The following DOCK5 variants were observed in gnomAD, a reference collection of about 807,000 sequenced individuals.
DOCK5 encodes dedicator of cytokinesis protein 5.
DOCK5 carries 142 observed loss-of-function variants against 251.8 expected under a neutral mutation model. That is an observed-to-expected ratio of 0.56 (90% CI 0.49 to 0.65). The LOEUF is 0.65. Among genes scored for constraint, DOCK5 ranks in the 30% least tolerant of loss-of-function variants. The pLI, the probability that DOCK5 is intolerant of heterozygous loss-of-function variation, is 0.00. For missense variants in DOCK5, 2,111 were observed against 2,312.3 expected, an observed-to-expected ratio of 0.91 and a Z score of 1.79; for synonymous variants, 842 against 835.5, an observed-to-expected ratio of 1.01 and a Z score of -0.13.
intron 1 of DOCK5, among the ~76,000 whole-genome samples, chr8:25,235,653 T>G (rs1025610400): frequency 2.6e-5 from 4 of 152,232 alleles, no homozygotes; most frequent in Non-Finnish European, 4.4e-5. Context: ...ATGTGGCTTC[T>G]AAGTCATCAC....
At chr8:25,341,278 A>G (rs1480119233) in intron 23 of DOCK5, among the ~76,000 whole-genome samples, 1 of 152,182 alleles carries the variant, frequency 6.6e-6, no homozygotes, top group Non-Finnish European at 1.5e-5. Context: ...ACTGATCCCA[A>G]TGCACTACAG....
At chr8:25,301,955 A>G (rs1169352940) in intron 9 of DOCK5, among the ~76,000 whole-genome samples, 1 of 152,288 alleles carries the variant, frequency 6.6e-6, no homozygotes, top group African/African-American at 2.4e-5. Context: ...TTTTTACTTC[A>G]TTTGATGTTG....
At chr8:25,401,182 TAGTG>T in intron 47 of DOCK5, 116 bp downstream of exon 47, 1 of 1,408,144 alleles carries the variant, frequency 7.1e-7, no homozygotes, top group Non-Finnish European at 9.8e-7. Flanking sequence ...GGCATGGAAA[TAGTG>T]AGGCTGGTGG....
chr8:25,199,088 G>A (rs1801805295), intron 1 of DOCK5, among the ~76,000 whole-genome samples: 2 of 152,168 alleles, frequency 1.3e-5, no homozygotes, highest in Non-Finnish European at 1.5e-5. Context: ...CCTTAGCACC[G>A]TGGTATTGAC....
intron 18 of DOCK5, among the ~76,000 whole-genome samples, chr8:25,330,361 A>G (rs1215003864): frequency 6.6e-6 from 1 of 152,228 alleles, no homozygotes; most frequent in Non-Finnish European, 1.5e-5. Flanking sequence ...AATGAATACT[A>G]TATGATTCCT....
chr8:25,403,244 G>C (rs1010303866), intron 47 of DOCK5, among the ~76,000 whole-genome samples: 5 of 152,176 alleles, frequency 3.3e-5, no homozygotes, highest in African/African-American at 9.7e-5. Flanking sequence ...GGAAGGTTTT[G>C]CTATTTATTG....
chr8:25,365,528 G>C (rs1800760841), intron 30 of DOCK5, among the ~76,000 whole-genome samples: 1 of 152,242 alleles, frequency 6.6e-6, no homozygotes, highest in African/African-American at 2.4e-5. Flanking sequence ...GCTCAAGCAA[G>C]TAGCTCAAGA....
At chr8:25,252,925 G>A (rs565326099) in intron 2 of DOCK5, among the ~76,000 whole-genome samples, 7 of 152,244 alleles carry the variant, frequency 4.6e-5, no homozygotes, top group African/African-American at 1.4e-4. Context: ...TCTGCCTGCT[G>A]GGTTCAAGTG....
chr8:25,335,852 CTTCTT>C (rs1386397281), intron 21 of DOCK5, among the ~76,000 whole-genome samples: 1 of 152,184 alleles, frequency 6.6e-6, no homozygotes, highest in Non-Finnish European at 1.5e-5. Flanking sequence ...AGGAATTAGG[CTTCTT>C]TTAAGTCAAC....
At chr8:25,387,371 G>A (rs1462173094) in intron 40 of DOCK5, among the ~76,000 whole-genome samples, 1 of 151,898 alleles carries the variant, frequency 6.6e-6, no homozygotes, top group Non-Finnish European at 1.5e-5. Context: ...TTAGATATGG[G>A]GTCTCACTAT....
chr8:25,206,269 G>T (rs1490022081), intron 1 of DOCK5, among the ~76,000 whole-genome samples: 1 of 152,166 alleles, frequency 6.6e-6, no homozygotes, highest in Non-Finnish European at 1.5e-5. Context: ...TATAGATTTT[G>T]TCAGATTATG....
At chr8:25,227,305 G>A (rs1802555708) in intron 1 of DOCK5, among the ~76,000 whole-genome samples, 1 of 151,410 alleles carries the variant, frequency 6.6e-6, no homozygotes, top group African/African-American at 2.4e-5. Flanking sequence ...AGGAAGTTGA[G>A]TAGCTTTTAT....
intron 1 of DOCK5, among the ~76,000 whole-genome samples, chr8:25,222,084 T>C (rs1269316236): frequency 6.6e-6 from 1 of 151,934 alleles, no homozygotes; most frequent in Non-Finnish European, 1.5e-5. Context: ...TTTAGGACAC[T>C]CTGTTTTCTG....
At chr8:25,375,883 G>A in intron 37 of DOCK5, 1 of 916,504 alleles carries the variant, frequency 1.1e-6, no homozygotes, top group Non-Finnish European at 1.3e-6. Context: ...AGATCACTTG[G>A]GGTCAGGAGT....
intron 16 of DOCK5, among the ~76,000 whole-genome samples, chr8:25,322,659 T>C (rs1291374196): frequency 6.6e-6 from 1 of 152,250 alleles, no homozygotes; most frequent in Non-Finnish European, 1.5e-5. Flanking sequence ...GTATCCACAA[T>C]AATATAACAA....
intron 13 of DOCK5, among the ~76,000 whole-genome samples, chr8:25,314,353 A>G (rs1216106112): frequency 1.3e-5 from 2 of 150,786 alleles, no homozygotes; most frequent in Non-Finnish European, 1.5e-5. Context: ...TCCTGGGCTC[A>G]AGCAGTCCTC....
At chr8:25,310,568 C>T (rs1185694210) in intron 13 of DOCK5, 36 bp downstream of exon 13, 2 of 1,563,756 alleles carry the variant, frequency 1.3e-6, no homozygotes, top group African/African-American at 1.4e-5. Context: ...TTTGCTTCCT[C>T]CTGTTCAGCG....
intron 18 of DOCK5, among the ~76,000 whole-genome samples, chr8:25,327,407 C>T (rs188516039): frequency 3.0e-4 from 46 of 152,142 alleles, no homozygotes; most frequent in Non-Finnish European, 6.0e-4. Context: ...AGAGGGATAA[C>T]ACTTATTGAA....
At chr8:25,272,447 C>A (rs1194803287) in intron 3 of DOCK5, among the ~76,000 whole-genome samples, 1 of 152,186 alleles carries the variant, frequency 6.6e-6, no homozygotes, top group Non-Finnish European at 1.5e-5. Flanking sequence ...CTGAATACTT[C>A]TATCTTGAAT....
Sources: allele counts gnomAD v4.1 joint callset (sites outside exome capture counted in the v4.1 genomes callset), GRCh38; gene constraint gnomAD v4.1.1; transcripts MANE v1.5; gene names NCBI Gene and HGNC (gene_info 2026-07-23, HGNC 2026-07-21).